Variants in KCNIP4 observed in about 807,000 individuals in gnomAD.
The protein encoded by KCNIP4 is Kv channel-interacting protein 4.
A neutral mutation model predicts 34.0 loss-of-function variants in KCNIP4; 12 were observed. The observed-to-expected ratio is 0.35, with a 90% CI of 0.23 to 0.57. The LOEUF is 0.57. Ranked by LOEUF, KCNIP4 falls within the 20% of genes least tolerant of loss-of-function variation. KCNIP4 has a pLI of 0.83. For missense variants in KCNIP4, 238 were observed against 311.7 expected (o/e 0.76, Z 1.78); for synonymous variants, 124 against 102.2 (o/e 1.21, Z -1.29).
intron 1 of KCNIP4, among the ~76,000 whole-genome samples, chr4:21,393,661 A>G (rs1048124850): frequency 6.6e-6 from 1 of 152,192 alleles, no homozygotes; most frequent in African/African-American, 2.4e-5. Flanking sequence ...GTTATTTAGA[A>G]ATGAATTTTT....
intron 1 of KCNIP4, among the ~76,000 whole-genome samples, chr4:21,153,465 CTT>C (rs1484739627): frequency 3.4e-5 from 5 of 147,886 alleles, no homozygotes; most frequent in Non-Finnish European, 7.4e-5. Context: ...CTCTCTCTCT[CTT>C]TATATATATA....
In KCNIP4 at chr4:21,728,982, C is replaced by T. The variant is rs577943447; in HGVS notation, c.61+219589G>A. 1.4e-4 allele frequency among the ~76,000 whole-genome samples: 21 copies of T among 152,270 alleles called. No homozygotes were observed. The South Asian group carries it at 3.1e-3, about 23-fold the overall frequency. On this transcript the variant is annotated intron_variant, in intron 1 of 8. Coordinates refer to ENST00000382152, the MANE Select transcript of KCNIP4 (RefSeq NM_025221.6). ...CCACATATATACACACTCATGCATT[C>T]GTGTGAGCATGCACACATGCACGCT... is the stretch of plus-strand genomic sequence containing the variant.
chr4:21,419,706 A>G (rs1725289459), intron 1 of KCNIP4, among the ~76,000 whole-genome samples: 1 of 152,072 alleles, frequency 6.6e-6, no homozygotes, highest in Non-Finnish European at 1.5e-5. Flanking sequence ...GGAGGAAAAT[A>G]TTGAGTTTTT....
intron 1 of KCNIP4, among the ~76,000 whole-genome samples, chr4:21,354,894 G>C (rs530057213): frequency 6.6e-6 from 1 of 152,114 alleles, no homozygotes; most frequent in Non-Finnish European, 1.5e-5. Context: ...CCACATAGTT[G>C]CAAGTAAAGC....
chr4:21,368,540 C>A (rs528567673), intron 1 of KCNIP4, among the ~76,000 whole-genome samples: 2 of 147,232 alleles, frequency 1.4e-5, no homozygotes, highest in African/African-American at 5.4e-5. Flanking sequence ...CTTCACTCTG[C>A]AGCTTTGGTA....
intron 1 of KCNIP4, chr4:21,729,971 G>C (rs1487236395): frequency 6.6e-6 from 1 of 151,848 alleles, no homozygotes; most frequent in African/African-American, 2.4e-5. Flanking sequence ...TTGTTGGCTT[G>C]CTTCCCAATA....
chr4:21,339,496 C>T (rs1412509190), intron 1 of KCNIP4, among the ~76,000 whole-genome samples: 1 of 152,134 alleles, frequency 6.6e-6, no homozygotes, highest in African/African-American at 2.4e-5. Context: ...CCTTAAGAGA[C>T]TTTTTCTGGT....
At chr4:20,903,486 A>C (rs539884300) in intron 1 of KCNIP4, among the ~76,000 whole-genome samples, 1 of 152,238 alleles carries the variant, frequency 6.6e-6, no homozygotes, top group African/African-American at 2.4e-5. Flanking sequence ...GGTCTCCACA[A>C]TCTTTTATCT....
chr4:21,125,226 A>ATTTTATTTTATTTTT, intron 1 of KCNIP4, among the ~76,000 whole-genome samples: 3 of 147,988 alleles, frequency 2.0e-5, no homozygotes, highest in South Asian at 2.1e-4. Flanking sequence ...ATTTTATTTT[A>ATTTTATTTTATTTTT]TTTTATTGTG....
intron 1 of KCNIP4, among the ~76,000 whole-genome samples, chr4:21,885,834 T>C (rs1033537689): frequency 6.6e-6 from 1 of 152,166 alleles, no homozygotes; most frequent in Non-Finnish European, 1.5e-5. Flanking sequence ...ATCCTGATGA[T>C]CACATGAAGC....
intron 1 of KCNIP4, among the ~76,000 whole-genome samples, chr4:21,226,257 G>T (rs1467573633): frequency 6.1e-5 from 7 of 115,320 alleles, no homozygotes; most frequent in African/African-American, 2.4e-4. Context: ...GAGGGAGGGA[G>T]GGAGGGAGGG....
intron 1 of KCNIP4, among the ~76,000 whole-genome samples, chr4:21,750,661 C>T (rs989566696): frequency 1.3e-5 from 2 of 152,182 alleles, no homozygotes; most frequent in Non-Finnish European, 2.9e-5. Context: ...TCATCCTAAT[C>T]TAATTCTAGG....
chr4:21,631,211 C>G (rs1315551892), intron 1 of KCNIP4, among the ~76,000 whole-genome samples: 1 of 152,106 alleles, frequency 6.6e-6, no homozygotes, highest in Non-Finnish European at 1.5e-5. Context: ...TCTCCAAAAC[C>G]TACTATAAAA....
chr4:21,191,971 T>C (rs895568153), intron 1 of KCNIP4, among the ~76,000 whole-genome samples: 2 of 152,206 alleles, frequency 1.3e-5, no homozygotes, highest in Admixed American at 6.5e-5. Flanking sequence ...GTAGAGATCT[T>C]GATTCATAGC....
At chr4:20,982,360 C>T (rs1736146530) in intron 1 of KCNIP4, among the ~76,000 whole-genome samples, 1 of 152,124 alleles carries the variant, frequency 6.6e-6, no homozygotes, top group African/African-American at 2.4e-5. Flanking sequence ...ATTGAAATTG[C>T]TAGTACTGTA....
At position 21,340,831 on chromosome 4, in the gene KCNIP4, C is replaced by T. The variant is rs111812727; in HGVS notation, c.62-458122G>A. ...CATTAGGTGGATTTTTCAGATTTGT[C>T]TCAACATGGCCAGCTCCGTATATTA... On this transcript the variant is annotated intron_variant, in intron 1 of 8. Coordinates refer to ENST00000382152, the MANE Select transcript of KCNIP4 (RefSeq NM_025221.6). Among the ~76,000 whole-genome samples, 608 of 152,180 alleles carry T rather than the reference C, an allele frequency of 4.0e-3. 9 individuals are homozygous for T. The highest frequency in any genetic ancestry group is 3.1e-3 in the Non-Finnish European group (209 of 67,988).
chr4:21,386,428 T>C (rs1197449485), intron 1 of KCNIP4, among the ~76,000 whole-genome samples: 2 of 151,292 alleles, frequency 1.3e-5, no homozygotes, highest in East Asian at 3.9e-4. Flanking sequence ...AAGACTGTCA[T>C]AAAAAAAAAG....
In KCNIP4 at chr4:21,697,440, T is replaced by A. The variant is rs761745350; in HGVS notation, c.61+251131A>T. ...CACCGCTTTCTACAGCCACTCATCTTAAGCAACAAGGTATTCCTCTGAGGA... is the reference window on the plus strand; with the variant it reads ...CACCGCTTTCTACAGCCACTCATCTAAAGCAACAAGGTATTCCTCTGAGGA... On this transcript the variant is annotated intron_variant, in intron 1 of 8. Coordinates refer to ENST00000382152, the MANE Select transcript of KCNIP4 (RefSeq NM_025221.6). The A allele has an allele frequency of 4.5e-6, 7 of 1,560,692 alleles. No homozygotes were observed. In the African/African-American group the frequency reaches 9.9e-5, roughly 22 times the overall value.
chr4:21,571,532 T>G lies in KCNIP4; in HGVS notation c.61+377039A>C, dbSNP rs1577616668. 5.3e-5 allele frequency among the ~76,000 whole-genome samples: 8 copies of G among 152,138 alleles called. No homozygotes were observed. In the South Asian group the frequency reaches 1.7e-3, roughly 32 times the overall value. ...AACCTCCACATAAATAAGCAGCAGG[T>G]GAACTAGCATTTTCTTGCCAAGGTA... On this transcript the variant is annotated intron_variant, in intron 1 of 8. Coordinates refer to ENST00000382152, the MANE Select transcript of KCNIP4 (RefSeq NM_025221.6).
Sources: allele counts gnomAD v4.1 joint callset (sites outside exome capture counted in the v4.1 genomes callset), GRCh38; gene constraint gnomAD v4.1.1; transcripts MANE v1.5; gene names NCBI Gene and HGNC (gene_info 2026-07-23, HGNC 2026-07-21).